Variants in USP10 observed in about 807,000 individuals in gnomAD.
USP10 encodes ubiquitin specific peptidase 10.
USP10 carries 22 observed loss-of-function variants against 84.5 expected under a neutral mutation model. The observed-to-expected ratio is 0.26, with a 90% CI of 0.19 to 0.37. USP10 has a LOEUF of 0.37. USP10 is among the 10% of genes least tolerant of loss of function. The pLI, the probability that USP10 is intolerant of heterozygous loss-of-function variation, is 1.00. For missense variants in USP10, 1,019 were observed against 998.9 expected (o/e 1.02, Z -0.27); for synonymous variants, 454 against 387.6 (o/e 1.17, Z -2.01).
chr16:84,748,153 CAAAAAAAAAAAA>C (rs1169089505), intron 4 of USP10, among the ~76,000 whole-genome samples: 14 of 51,176 alleles, frequency 2.7e-4, no homozygotes, highest in Admixed American at 9.3e-4. Context: ...GACTCCATCT[CAAAAAAAAAAAA>C]AAAAAAAAAA....
intron 11 of USP10, among the ~76,000 whole-genome samples, chr16:84,771,547 A>G (rs1157900455): frequency 6.6e-6 from 1 of 152,160 alleles, no homozygotes; most frequent in Non-Finnish European, 1.5e-5. Flanking sequence ...TATCAGTTTT[A>G]TCAATACTAT....
chr16:84,733,596 A>T (rs1386446506), intron 2 of USP10, 93 bp downstream of exon 2: 6 of 947,060 alleles, frequency 6.3e-6, no homozygotes, highest in Middle Eastern at 6.9e-4. Flanking sequence ...AAAGAATTCC[A>T]ATGTAGAGAA....
At chr16:84,758,530 A>T (rs1444025515) in intron 4 of USP10, among the ~76,000 whole-genome samples, 186 bp from the exon 5 acceptor site, 4 of 152,206 alleles carry the variant, frequency 2.6e-5, no homozygotes, top group African/African-American at 9.7e-5. Context: ...TAGTTTCAAA[A>T]ATGTTCTAAT....
Position 84,778,150 on chromosome 16 carries a change from A to G in USP10, c.2210-745A>G, listed in dbSNP as rs556152262. ...CTGTTAAAACATAGAAAAATGGGTA[A>G]TTTTTTTTAAAGGCAAATGCGTAAC... On this transcript the variant is annotated intron_variant, in intron 13 of 13. Transcript: ENST00000219473. Among the ~76,000 whole-genome samples the G allele has an allele frequency of 2.9e-5, 4 of 139,466 alleles. No individual in the cohort carries two copies. In the South Asian group the frequency reaches 6.9e-4, roughly 24 times the overall value. 91.5% of individuals were successfully genotyped at this position (139,466 alleles called of 152,430 possible). A position where few individuals can be genotyped will look rare whatever the true frequency, so the allele number is the denominator to read the frequency against.
chr16:84,725,151 TC>T (rs1908293047), intron 1 of USP10, among the ~76,000 whole-genome samples: 1 of 152,148 alleles, frequency 6.6e-6, no homozygotes, highest in Non-Finnish European at 1.5e-5. Context: ...CATTTCATCA[TC>T]CCCAAAAGAA....
intron 1 of USP10, among the ~76,000 whole-genome samples, chr16:84,701,126 A>G (rs143804801): frequency 0.011 from 1,705 of 152,300 alleles, 20 homozygotes; most frequent in Non-Finnish European, 0.018. Flanking sequence ...ATAACCCTTC[A>G]TGAGCAATTG....
intron 1 of USP10, among the ~76,000 whole-genome samples, chr16:84,705,586 C>T (rs1170179298): frequency 6.6e-6 from 1 of 151,262 alleles, no homozygotes; most frequent in Non-Finnish European, 1.5e-5. Context: ...CCCTCCGTCC[C>T]TTTCCCTCTT....
chr16:84,727,930 C>A (rs184781615), intron 1 of USP10, among the ~76,000 whole-genome samples: 3 of 152,308 alleles, frequency 2.0e-5, no homozygotes, highest in Admixed American at 6.5e-5. Context: ...AATGTCCTTT[C>A]TAGAATTTTC....
At chr16:84,735,196 G>GATTGT (rs1555541026) in intron 2 of USP10, among the ~76,000 whole-genome samples, 7 of 146,380 alleles carry the variant, frequency 4.8e-5, no homozygotes, top group African/African-American at 1.8e-4. Context: ...AGGCCCGGGT[G>GATTGT]GTGTGTGTGT....
chr16:84,734,404 G>A (rs1004867538), intron 2 of USP10, among the ~76,000 whole-genome samples: 2 of 152,014 alleles, frequency 1.3e-5, no homozygotes, highest in African/African-American at 2.4e-5. Flanking sequence ...TTCTCTTCAC[G>A]TCTGCTGGCA....
Position 84,710,417 on chromosome 16 carries a change from C to T in USP10, c.21+10306C>T, listed in dbSNP as rs539815876. On this transcript the variant is annotated intron_variant, in intron 1 of 13. Coordinates refer to ENST00000219473, the MANE Select transcript of USP10 (RefSeq NM_005153.3). ...CTGCTCATTTTGGCATCTTAAGCCT[C>T]ATAACTTTGAGGGGAAAGAAGTAGG... Among the ~76,000 whole-genome samples the T allele has an allele frequency of 1.3e-3, 204 of 152,216 alleles. 4 individuals are homozygous for T. Among genetic ancestry groups the T allele is most frequent in the Non-Finnish European group, 1.7e-3 (119 of 68,024 alleles).
chr16:84,757,396 G>GTGTGTGTGTGT (rs11373011), intron 4 of USP10, among the ~76,000 whole-genome samples: 27 of 127,434 alleles, frequency 2.1e-4, no homozygotes, highest in Middle Eastern at 4.5e-3. Flanking sequence ...GAATGAGAGG[G>GTGTGTGTGTGT]GTGGGGGTGT....
At chr16:84,754,208 C>T (rs1188678571) in intron 4 of USP10, among the ~76,000 whole-genome samples, 1 of 152,088 alleles carries the variant, frequency 6.6e-6, no homozygotes, top group East Asian at 1.9e-4. Context: ...GTCGGTCTTA[C>T]TCTGAGATTA....
At chr16:84,738,520 C>G (rs948105976) in intron 2 of USP10, among the ~76,000 whole-genome samples, 7 of 152,208 alleles carry the variant, frequency 4.6e-5, no homozygotes, top group African/African-American at 1.4e-4. Context: ...AGACCCACCT[C>G]TCTGCTCCAG....
At position 84,700,155 on chromosome 16, in the gene USP10, C is replaced by G. The variant is rs753172108; in HGVS notation, c.21+44C>G. ...CTTCGGCCGGAAGGGGCCCGAGCCC[C>G]GGGCGGGCGGACGCCGCGGCGGGCG... On this transcript the variant is annotated intron_variant, in intron 1 of 13. Coordinates refer to ENST00000219473, the MANE Select transcript of USP10 (RefSeq NM_005153.3). 2.0e-5 allele frequency: 25 copies of G among 1,230,276 alleles called. No homozygotes were observed. The South Asian group carries it at 5.0e-4, about 24-fold the overall frequency. The allele number at this position is 1,230,276 out of a possible 1,614,324, so 76.2% of individuals were successfully genotyped here. A position where few individuals can be genotyped will look rare whatever the true frequency, so the allele number is the denominator to read the frequency against.
At chr16:84,732,414 G>A (rs11862996) in intron 1 of USP10, 28,919 of 394,932 alleles carry the variant, frequency 0.073, 1,359 homozygotes, top group African/African-American at 0.16. Context: ...TGTGGAAATT[G>A]CTAATTCTTC....
intron 1 of USP10, 188 bp from the exon 2 acceptor site, chr16:84,733,247 G>C: frequency 1.6e-6 from 1 of 609,590 alleles, no homozygotes; most frequent in South Asian, 1.8e-5. Flanking sequence ...TGTAGGAAAG[G>C]TTCAGTAGTA....
At chr16:84,706,633 C>T (rs536058969) in intron 1 of USP10, among the ~76,000 whole-genome samples, 10 of 151,680 alleles carry the variant, frequency 6.6e-5, no homozygotes, top group East Asian at 5.8e-4. Flanking sequence ...CTCCGCCTCC[C>T]GGGTTCACGC....
intron 4 of USP10, among the ~76,000 whole-genome samples, chr16:84,745,927 C>T (rs766573901): frequency 1.3e-5 from 2 of 152,322 alleles, no homozygotes; most frequent in South Asian, 2.1e-4. Flanking sequence ...TGACAAGTTA[C>T]ATTTCCATTT....
Sources: allele counts gnomAD v4.1 joint callset (sites outside exome capture counted in the v4.1 genomes callset), GRCh38; gene constraint gnomAD v4.1.1; transcripts MANE v1.5; gene names NCBI Gene and HGNC (gene_info 2026-07-23, HGNC 2026-07-21).